Variants in FBXL13 observed in about 807,000 individuals in gnomAD.
FBXL13 encodes F-box and leucine rich repeat protein 13.
FBXL13 carries 67 observed loss-of-function variants against 83.6 expected under a neutral mutation model. That is an observed-to-expected ratio of 0.80 (90% CI 0.66 to 0.98). FBXL13 has a LOEUF of 0.98. Among genes scored for constraint, FBXL13 ranks in the 50% least tolerant of loss-of-function variants. FBXL13 has a pLI of 0.00. For synonymous variants in FBXL13, 272 were observed against 299.5 expected, an observed-to-expected ratio of 0.91 and a Z score of 0.95; for missense variants, 822 against 866.5, an observed-to-expected ratio of 0.95 and a Z score of 0.64.
In FBXL13 at chr7:102,920,924, T is replaced by TGGGCGGATCACGAGGTC. The variant is rs1266133230; in HGVS notation, c.878+5333_878+5349dup. ...ATCCCAGCACTTTGGGAGGCCGAGGTGGGCGGATCACGAGGTCAGGAGTTC... is the reference window on the plus strand; with the variant it reads ...ATCCCAGCACTTTGGGAGGCCGAGGTGGGCGGATCACGAGGTCGGGCGGATCACGAGGTCAGGAGTTC... On this transcript the variant is annotated intron_variant, in intron 10 of 19. Coordinates refer to ENST00000313221, the Ensembl canonical transcript of FBXL13. 2.0e-5 allele frequency among the ~76,000 whole-genome samples: 3 copies of TGGGCGGATCACGAGGTC among 151,996 alleles called. No homozygotes were observed. The East Asian group carries it at 5.8e-4, about 30-fold the overall frequency.
intron 8 of FBXL13, among the ~76,000 whole-genome samples, chr7:102,958,816 G>A (rs972224824): frequency 2.6e-5 from 4 of 151,926 alleles, no homozygotes; most frequent in Non-Finnish European, 5.9e-5. Flanking sequence ...TCCAAAGGCG[G>A]ATGTGACCAG....
intron 5 of FBXL13, 76 bp downstream of exon 6, chr7:103,027,373 C>G: frequency 1.1e-6 from 1 of 899,394 alleles, no homozygotes. Context: ...TTTCCACACA[C>G]GGCATTACTA....
intron 6 of FBXL13, among the ~76,000 whole-genome samples, chr7:103,015,647 A>G (rs967219228): frequency 6.6e-6 from 1 of 152,006 alleles, no homozygotes; most frequent in African/African-American, 2.4e-5. Flanking sequence ...AAATACAAAA[A>G]CTAGCTGGGT....
At position 102,834,095 on chromosome 7, in the gene FBXL13, AAAGAAAG is replaced by A. The variant is rs1562926013; in HGVS notation, c.1720-1128_1720-1122del. Reference sequence around the variant, plus strand: ...AAGGAAGGAAGGAAAGAAAAGAAAGAAAGAAAGAAAGAAAGAAAGAAAGAAAGAAAGA... The same window carrying A: ...AAGGAAGGAAGGAAAGAAAAGAAAGAAAAGAAAGAAAGAAAGAAAGAAAGA... On this transcript the variant is annotated intron_variant, in intron 17 of 19. Coordinates refer to ENST00000313221, the Ensembl canonical transcript of FBXL13. Among the ~76,000 whole-genome samples the A allele has an allele frequency of 3.1e-3, 300 of 95,516 alleles. 3 individuals carry two copies. The highest frequency in any genetic ancestry group is 4.3e-3 in the Admixed American group (46 of 10,576). The allele number at this position is 95,516 out of a possible 152,430, so 62.7% of individuals were successfully genotyped here. A position where few individuals can be genotyped will look rare whatever the true frequency, so the allele number is the denominator to read the frequency against.
intron 17 of FBXL13, among the ~76,000 whole-genome samples, chr7:102,850,012 GA>G (rs879465262): frequency 8.6e-5 from 12 of 140,202 alleles, no homozygotes; most frequent in Non-Finnish European, 1.4e-4. Flanking sequence ...TGTTTTTTTA[GA>G]AAAAAAAAAG....
chr7:102,947,454 A>C (rs1822717957), intron 8 of FBXL13, among the ~76,000 whole-genome samples: 1 of 152,258 alleles, frequency 6.6e-6, no homozygotes, highest in South Asian at 2.1e-4. Context: ...ATCCAAAAGT[A>C]AGTCAGTAGG....
intron 6 of FBXL13, among the ~76,000 whole-genome samples, chr7:103,013,568 G>T (rs1791894691): frequency 6.6e-6 from 1 of 152,094 alleles, no homozygotes; most frequent in Non-Finnish European, 1.5e-5. Context: ...CAGAAATCAA[G>T]AAATTCTTTT....
At chr7:102,937,261 A>G (rs1203356561) in intron 8 of FBXL13, among the ~76,000 whole-genome samples, 4 of 151,826 alleles carry the variant, frequency 2.6e-5, no homozygotes, top group African/African-American at 9.7e-5. Context: ...GCACTTTGGG[A>G]GGCCGAGGCA....
intron 16 of FBXL13, among the ~76,000 whole-genome samples, chr7:102,865,557 G>GTTTTT (rs1008389483): frequency 6.6e-6 from 1 of 151,242 alleles, no homozygotes; most frequent in Non-Finnish European, 1.5e-5. Flanking sequence ...TTTTGTTTTT[G>GTTTTT]TTTGAGACGG....
chr7:102,958,562 AATAAT>A (rs1563150524), intron 8 of FBXL13, among the ~76,000 whole-genome samples: 9 of 143,338 alleles, frequency 6.3e-5, no homozygotes, highest in East Asian at 6.1e-4. Context: ...TAATAATAAT[AATAAT>A]AAAACAGAGA....
intron 2 of FBXL13, among the ~76,000 whole-genome samples, chr7:103,045,702 G>A (rs1030857046): frequency 6.6e-6 from 1 of 152,136 alleles, no homozygotes; most frequent in African/African-American, 2.4e-5. Context: ...TTTTAGTTTG[G>A]TTTGGCCTGT....
intron 16 of FBXL13, among the ~76,000 whole-genome samples, chr7:102,863,327 C>G (rs1243076551): frequency 6.6e-6 from 1 of 152,094 alleles, no homozygotes; most frequent in East Asian, 1.9e-4. Context: ...AAAATGCACT[C>G]TATGAAATAA....
intron 6 of FBXL13, among the ~76,000 whole-genome samples, chr7:102,993,126 A>G (rs564673016): frequency 9.5e-4 from 144 of 152,370 alleles, no homozygotes; most frequent in African/African-American, 3.4e-3. Flanking sequence ...AAGTTCACAC[A>G]GTACACAGCT....
At chr7:102,911,163 C>G (rs887540356) in intron 11 of FBXL13, among the ~76,000 whole-genome samples, 4 of 152,332 alleles carry the variant, frequency 2.6e-5, no homozygotes, top group African/African-American at 9.6e-5. Flanking sequence ...TCTTGCTTCA[C>G]CTCCTCCAAT....
At chr7:103,005,680 C>T (rs1042613877) in intron 6 of FBXL13, among the ~76,000 whole-genome samples, 6 of 152,090 alleles carry the variant, frequency 3.9e-5, no homozygotes, top group Admixed American at 2.0e-4. Context: ...CTTAAAAGGG[C>T]GCCAGTTCTA....
At position 102,860,971 on chromosome 7, in the gene FBXL13, A is replaced by G. The variant is rs937667247; in HGVS notation, c.1636-6111T>C. Among the ~76,000 whole-genome samples, 7 of 149,202 alleles carry G rather than the reference A, an allele frequency of 4.7e-5. No individual in the cohort carries two copies. In the South Asian group the frequency reaches 1.3e-3, roughly 28 times the overall value. The stretch of plus-strand genomic sequence containing the variant: ...AATTTTATATACATATGCATAGTTT[A>G]TATATAGTTATATATATATACACAC... On this transcript the variant is annotated intron_variant, in intron 16 of 19. Coordinates refer to ENST00000313221, the Ensembl canonical transcript of FBXL13.
intron 10 of FBXL13, among the ~76,000 whole-genome samples, chr7:102,924,179 G>T (rs1289603283): frequency 6.6e-6 from 1 of 151,304 alleles, no homozygotes. Context: ...CGAAGGTTGC[G>T]GTGAGCTGAG....
At chr7:102,958,078 C>A (rs955067006) in intron 8 of FBXL13, among the ~76,000 whole-genome samples, 2 of 152,148 alleles carry the variant, frequency 1.3e-5, no homozygotes, top group Non-Finnish European at 2.9e-5. Flanking sequence ...TATAAAGACA[C>A]ATGCACACAT....
chr7:102,951,908 G>A (rs1038248145), intron 8 of FBXL13, among the ~76,000 whole-genome samples: 2 of 151,404 alleles, frequency 1.3e-5, no homozygotes, highest in African/African-American at 2.4e-5. Flanking sequence ...CATATTTATA[G>A]TAGTATTATT....
Sources: gnomAD v4.1 joint callset for allele counts (sites outside exome capture counted in the v4.1 genomes callset) on GRCh38, gnomAD v4.1.1 for gene constraint, MANE v1.5 for transcripts, NCBI Gene and HGNC (gene_info 2026-07-23, HGNC 2026-07-21) for gene names.